BPTF: variants seen among roughly 807,000 people sequenced by gnomAD.
BPTF encodes nucleosome-remodeling factor subunit BPTF.
In BPTF, 18 loss-of-function variants were observed where a neutral mutation model predicts 292.5. The observed-to-expected ratio is 0.06, with a 90% CI of 0.04 to 0.09. BPTF has a LOEUF of 0.09. Among genes scored for constraint, BPTF ranks in the 10% least tolerant of loss-of-function variants. The probability of loss-of-function intolerance (pLI) is 1.00; values close to 1 mark genes in which losing one functional copy is unlikely to be tolerated. For synonymous variants in BPTF, 1,225 were observed against 1,251.9 expected (o/e 0.98, Z 0.45); for missense variants, 2,726 against 3,498.7 (o/e 0.78, Z 5.57).
intron 2 of BPTF, among the ~76,000 whole-genome samples, chr17:67,855,555 G>A (rs2058639712): frequency 6.6e-6 from 1 of 152,176 alleles, no homozygotes. Context: ...ACAGACTGAG[G>A]GTCATAGTCT....
rs575686682 is a variant in BPTF at position 67,852,901 on chromosome 17, C to T, written c.614-1039C>T. 2.4e-4 allele frequency among the ~76,000 whole-genome samples: 37 copies of T among 152,256 alleles called. 1 individual carries two copies. The South Asian group carries it at 7.3e-3, about 30-fold the overall frequency. ...CTGTAATCCTGGCACTTTGGCAGGC[C>T]GAGGTGGGTGGACCACCTGAGGTCA... On this transcript the variant is annotated intron_variant, in intron 1 of 27. Coordinates refer to ENST00000306378, the MANE Select transcript of BPTF (RefSeq NM_182641.4).
At chr17:67,960,409 G>C (rs1273300928) in intron 24 of BPTF, 1 of 152,048 alleles carries the variant, frequency 6.6e-6, no homozygotes, top group African/African-American at 2.4e-5. Context: ...TCTTATCAGA[G>C]ACAAAAGCCA....
chr17:67,929,540 T>C, intron 17 of BPTF, 53 bp downstream of exon 17: 1 of 1,558,192 alleles, frequency 6.4e-7, no homozygotes, highest in Non-Finnish European at 8.7e-7. Flanking sequence ...CATCACATTA[T>C]TTTTAGAATG....
chr17:67,928,412 A>G lies in BPTF; in HGVS notation c.5809A>G (p.Ser1937Gly). The change falls in exon 16 of 28, where the codon AGC (serine) becomes GGC (glycine). Residue 1937 changes from serine to glycine, a missense_variant. By Grantham distance (56) the Ser-to-Gly change is moderately conservative. Transcript: ENST00000306378. Reference protein sequence around the residue: ...VIATSTTSPTSSTTSTISPAQ... With the variant: ...VIATSTTSPTGSTTSTISPAQ... ...TGCAACTTCCACTACTTCCCCAACAAGCAGTACAACCAGCACCATCTCTCC... is the reference window on the plus strand; with the variant it reads ...TGCAACTTCCACTACTTCCCCAACAGGCAGTACAACCAGCACCATCTCTCC... 2 of 1,614,060 alleles carry G rather than the reference A, an allele frequency of 1.2e-6. No homozygotes were observed. The highest frequency in any genetic ancestry group is 1.7e-6 in the Non-Finnish European group (2 of 1,179,954).
At chr17:67,920,169 A>G in intron 13 of BPTF, 26 bp downstream of exon 13, 1 of 1,595,468 alleles carries the variant, frequency 6.3e-7, no homozygotes, top group Non-Finnish European at 8.6e-7. Context: ...CTATTCTTTC[A>G]TGATTAACCT....
At chr17:67,918,532 A>C (rs549298514) in intron 11 of BPTF, among the ~76,000 whole-genome samples, 182 bp from the exon 12 acceptor site, 1 of 152,320 alleles carries the variant, frequency 6.6e-6, no homozygotes, top group Admixed American at 6.5e-5. Flanking sequence ...TATGCCTATG[A>C]ATGAAGAAGT....
At chr17:67,924,631 G>A (rs1173546732) in intron 15 of BPTF, 42 bp downstream of exon 15, 1 of 1,593,496 alleles carries the variant, frequency 6.3e-7, no homozygotes, top group Admixed American at 1.9e-5. Context: ...AGGCCCAAAT[G>A]GAGGCTCTTT....
chr17:67,842,905 AAAG>A (rs778812848), intron 1 of BPTF, among the ~76,000 whole-genome samples: 5 of 151,644 alleles, frequency 3.3e-5, no homozygotes, highest in Non-Finnish European at 5.9e-5. Flanking sequence ...AATAAATATA[AAAG>A]AAGGTCTTTA....
Position 67,912,464 on chromosome 17 carries a change from C to T in BPTF, c.4580C>T (p.Ser1527Leu). 1.9e-6 allele frequency: 3 copies of T among 1,613,692 alleles called. No homozygotes were observed. Among genetic ancestry groups the T allele is most frequent in the Non-Finnish European group, 1.7e-6 (2 of 1,179,920 alleles). ...TCAGCATCTTGTCCAGAAAGCAATT[C>T]AGTTAATCAGGTAGAAGATATGGAA... is the stretch of plus-strand genomic sequence containing the variant. Reference protein sequence around the residue: ...TPSASCPESNSVNQVEDMEIE... With the variant: ...TPSASCPESNLVNQVEDMEIE... The change falls in exon 11 of 28, where the codon TCA becomes TTA. Residue 1527 changes from serine to leucine, a missense_variant. This residue lies in a region of BPTF where 713 missense variants were observed against 714.9 expected (regional missense o/e 1.00). Coordinates refer to ENST00000306378, the MANE Select transcript of BPTF (RefSeq NM_182641.4).
chr17:67,966,823 C>T (rs1213519251), intron 26 of BPTF, among the ~76,000 whole-genome samples, 167 bp downstream of exon 26: 3 of 151,934 alleles, frequency 2.0e-5, no homozygotes, highest in Non-Finnish European at 2.9e-5. Flanking sequence ...TAATTGTGGC[C>T]GGGTGCGGTG....
chr17:67,952,672 G>A (rs2066490888), intron 23 of BPTF, among the ~76,000 whole-genome samples: 1 of 152,064 alleles, frequency 6.6e-6, no homozygotes, highest in Non-Finnish European at 1.5e-5. Context: ...TGGCACATTT[G>A]TTAGAATTAA....
At chr17:67,866,719 T>C (rs757193610) in intron 3 of BPTF, 32 bp downstream of exon 3, 2 of 1,567,962 alleles carry the variant, frequency 1.3e-6, no homozygotes, top group Non-Finnish European at 8.8e-7. Flanking sequence ...TTTATTTTTG[T>C]TAAGTCTGAG....
intron 11 of BPTF, among the ~76,000 whole-genome samples, chr17:67,917,674 C>T (rs901747830): frequency 8.6e-5 from 13 of 151,744 alleles, no homozygotes; most frequent in Non-Finnish European, 1.6e-4. Context: ...CTCTTGTCGC[C>T]CAGGCTAGAG....
At chr17:67,976,673 G>A (rs2148619258) in intron 27 of BPTF, among the ~76,000 whole-genome samples, 2 of 127,998 alleles carry the variant, frequency 1.6e-5, no homozygotes, top group Admixed American at 8.9e-5. Flanking sequence ...GTGACAGAGT[G>A]AGACCCTGTC....
At chr17:67,886,371 T>G in intron 4 of BPTF, 3 of 1,301,212 alleles carry the variant, frequency 2.3e-6, no homozygotes, top group Non-Finnish European at 3.1e-6. Context: ...TTTTTTTCTT[T>G]TTTTTGTGTG....
chr17:67,844,190 G>T (rs530064914), intron 1 of BPTF, among the ~76,000 whole-genome samples: 1 of 146,978 alleles, frequency 6.8e-6, no homozygotes, highest in Non-Finnish European at 1.5e-5. Flanking sequence ...AGTGAGTCTC[G>T]TGCCACAGCC....
intron 1 of BPTF, among the ~76,000 whole-genome samples, chr17:67,836,118 C>T (rs1320890772): frequency 1.3e-5 from 2 of 152,224 alleles, no homozygotes; most frequent in South Asian, 2.1e-4. Flanking sequence ...AACTGAATTG[C>T]GAGATGTTAG....
chr17:67,871,308 G>T (rs1438250920), intron 3 of BPTF, among the ~76,000 whole-genome samples: 1 of 151,848 alleles, frequency 6.6e-6, no homozygotes, highest in Non-Finnish European at 1.5e-5. Context: ...TGGGCTTGGT[G>T]GTGCACGCCT....
At chr17:67,843,494 C>T (rs989510839) in intron 1 of BPTF, among the ~76,000 whole-genome samples, 3 of 149,078 alleles carry the variant, frequency 2.0e-5, no homozygotes, top group Non-Finnish European at 4.4e-5. Context: ...GCGTACCTGG[C>T]CTTACATGAG....
Sources: allele counts gnomAD v4.1 joint callset (sites outside exome capture counted in the v4.1 genomes callset), GRCh38; gene constraint gnomAD v4.1.1; regional missense constraint gnomAD v4.1.1; transcripts MANE v1.5; gene names NCBI Gene and HGNC (gene_info 2026-07-23, HGNC 2026-07-21).